Variants in GABRB1 observed in about 807,000 individuals in gnomAD.
The protein encoded by GABRB1 is gamma-aminobutyric acid type A receptor subunit beta1, also known as gamma-aminobutyric acid receptor subunit beta-1.
In GABRB1, 17 loss-of-function variants were observed where a neutral mutation model predicts 51.6. That is an observed-to-expected ratio of 0.33 (90% CI 0.23 to 0.49). The LOEUF (loss-of-function observed/expected upper bound fraction) is 0.49, where lower values mean the gene tolerates loss of function less well. Ranked by LOEUF, GABRB1 falls within the 20% of genes least tolerant of loss-of-function variation. The pLI is 0.99. For synonymous variants in GABRB1, 247 were observed against 218.9 expected (o/e 1.13, Z -1.14); for missense variants, 410 against 600.6 (o/e 0.68, Z 3.32).
chr4:47,238,295 C>T (rs776961561), intron 4 of GABRB1, among the ~76,000 whole-genome samples: 1 of 152,036 alleles, frequency 6.6e-6, no homozygotes, highest in East Asian at 1.9e-4. Flanking sequence ...ATCATTATAC[C>T]GATTCTGCTT....
intron 1 of GABRB1, among the ~76,000 whole-genome samples, chr4:47,019,918 G>A (rs989649827): frequency 3.0e-5 from 3 of 99,742 alleles, no homozygotes; most frequent in African/African-American, 1.1e-4. Context: ...ATATGTATAT[G>A]TATACGTATA....
chr4:47,314,175 T>C (rs1724802948), intron 4 of GABRB1, among the ~76,000 whole-genome samples: 1 of 152,024 alleles, frequency 6.6e-6, no homozygotes, highest in Non-Finnish European at 1.5e-5. Context: ...GGTAAAGTCT[T>C]GGTGTGACAT....
At chr4:47,291,997 G>A (rs1400486432) in intron 4 of GABRB1, among the ~76,000 whole-genome samples, 2 of 152,170 alleles carry the variant, frequency 1.3e-5, no homozygotes, top group Admixed American at 1.3e-4. Context: ...TGAATTGTGA[G>A]GACATGAGAT....
intron 4 of GABRB1, among the ~76,000 whole-genome samples, chr4:47,204,464 ATTC>A (rs565803631): frequency 1.3e-5 from 2 of 152,218 alleles, no homozygotes; most frequent in East Asian, 3.9e-4. Flanking sequence ...AGGCCACCTA[ATTC>A]TTCTTCTCAC....
intron 3 of GABRB1, among the ~76,000 whole-genome samples, chr4:47,102,771 T>C (rs553071456): frequency 2.0e-5 from 3 of 151,788 alleles, no homozygotes; most frequent in Non-Finnish European, 4.4e-5. Flanking sequence ...AGCATCAGAG[T>C]AGGATAGTCA....
intron 4 of GABRB1, among the ~76,000 whole-genome samples, chr4:47,239,509 G>A (rs1381905765): frequency 1.3e-5 from 2 of 152,248 alleles, no homozygotes; most frequent in East Asian, 3.9e-4. Flanking sequence ...CAATGGGCTT[G>A]TCCAGTTGGC....
chr4:47,361,364 T>A (rs1726799882), intron 5 of GABRB1, among the ~76,000 whole-genome samples: 1 of 152,088 alleles, frequency 6.6e-6, no homozygotes, highest in Non-Finnish European at 1.5e-5. Flanking sequence ...AATGGCAACA[T>A]ATGCAAAAGC....
intron 4 of GABRB1, among the ~76,000 whole-genome samples, chr4:47,302,680 A>G (rs1157972544): frequency 6.6e-6 from 1 of 152,026 alleles, no homozygotes; most frequent in Non-Finnish European, 1.5e-5. Flanking sequence ...GAATGTACTC[A>G]GTATAATAAT....
chr4:47,389,305 C>T (rs959555276), intron 5 of GABRB1, among the ~76,000 whole-genome samples: 7 of 152,306 alleles, frequency 4.6e-5, no homozygotes, highest in South Asian at 2.1e-4. Flanking sequence ...CTTTTATGGG[C>T]TGACCCTTCC....
chr4:47,388,964 TGATA>T (rs539661588), intron 5 of GABRB1, among the ~76,000 whole-genome samples: 236 of 152,328 alleles, frequency 1.5e-3, no homozygotes, highest in Non-Finnish European at 3.0e-3. Context: ...TTTTTACTTA[TGATA>T]GAACATGTTT....
chr4:47,385,727 T>G (rs1727770145), intron 5 of GABRB1, among the ~76,000 whole-genome samples: 1 of 152,188 alleles, frequency 6.6e-6, no homozygotes, highest in Admixed American at 6.5e-5. Context: ...CCCAGAAGAC[T>G]GCATTCACTT....
At chr4:47,046,118 A>T (rs1369419611) in intron 3 of GABRB1, among the ~76,000 whole-genome samples, 1 of 151,788 alleles carries the variant, frequency 6.6e-6, no homozygotes, top group African/African-American at 2.4e-5. Flanking sequence ...CTCTCCGGCC[A>T]CTCTGTGAAG....
At chr4:47,006,131 C>G (rs925335753) in intron 1 of GABRB1, among the ~76,000 whole-genome samples, 1 of 151,746 alleles carries the variant, frequency 6.6e-6, no homozygotes, top group Non-Finnish European at 1.5e-5. Flanking sequence ...TAGATCATTT[C>G]CGACAGAATT....
intron 3 of GABRB1, among the ~76,000 whole-genome samples, chr4:47,131,470 T>C (rs892675324): frequency 1.8e-4 from 28 of 152,182 alleles, no homozygotes; most frequent in Non-Finnish European, 3.7e-4. Context: ...GTCTTGTTTT[T>C]CTGAGTGCAA....
At chr4:47,061,620 G>A (rs1348804888) in intron 3 of GABRB1, among the ~76,000 whole-genome samples, 1 of 152,142 alleles carries the variant, frequency 6.6e-6, no homozygotes, top group Non-Finnish European at 1.5e-5. Context: ...AAAGAAATGA[G>A]TCATGTCAGT....
intron 4 of GABRB1, among the ~76,000 whole-genome samples, chr4:47,256,939 C>A (rs1431617921): frequency 6.6e-6 from 1 of 152,174 alleles, no homozygotes; most frequent in Admixed American, 6.5e-5. Context: ...CCCTACTTTA[C>A]AGATGAGGAA....
At chr4:47,036,513 G>A (rs1725572909) in intron 3 of GABRB1, among the ~76,000 whole-genome samples, 1 of 152,130 alleles carries the variant, frequency 6.6e-6, no homozygotes, top group Admixed American at 6.5e-5. Context: ...CTGATTGCTG[G>A]TATATAGATT....
chr4:47,354,640 T>C (rs968992672), intron 5 of GABRB1, among the ~76,000 whole-genome samples: 4 of 152,152 alleles, frequency 2.6e-5, no homozygotes, highest in Non-Finnish European at 5.9e-5. Flanking sequence ...TCATCTTTCT[T>C]GATATTTGTT....
intron 1 of GABRB1, among the ~76,000 whole-genome samples, chr4:47,013,960 C>T (rs1026881938): frequency 1.3e-5 from 2 of 152,008 alleles, no homozygotes; most frequent in African/African-American, 2.4e-5. Flanking sequence ...TCTGTCTTGT[C>T]CAAGAAATTT....
Sources: allele counts gnomAD v4.1 joint callset (sites outside exome capture counted in the v4.1 genomes callset), GRCh38; gene constraint gnomAD v4.1.1; transcripts MANE v1.5; gene names NCBI Gene and HGNC (gene_info 2026-07-23, HGNC 2026-07-21).